ZNF667: variants seen among roughly 807,000 people sequenced by gnomAD.
The protein encoded by ZNF667 is myocardial ischemic preconditioning upregulated 1 ortholog.
ZNF667 carries 13 observed loss-of-function variants against 31.8 expected under a neutral mutation model. That is an observed-to-expected ratio of 0.41 (90% CI 0.27 to 0.65). The LOEUF is 0.65. Ranked by LOEUF, ZNF667 falls within the 30% of genes least tolerant of loss-of-function variation. The pLI, the probability that ZNF667 is intolerant of heterozygous loss-of-function variation, is 0.32. For synonymous variants in ZNF667, 228 were observed against 247.1 expected (o/e 0.92, Z 0.73); for missense variants, 642 against 725.6 (o/e 0.88, Z 1.32).
intron 6 of ZNF667, among the ~76,000 whole-genome samples, chr19:56,448,264 C>G (rs747304708): frequency 6.6e-5 from 10 of 152,026 alleles, no homozygotes; most frequent in Non-Finnish European, 1.3e-4. Flanking sequence ...AGAATTTGGC[C>G]AGCACCCCCA....
In ZNF667 at chr19:56,441,097, G is replaced by C. The variant is rs751606276; in HGVS notation, c.*65C>G. ...CCATATACACAAAATTTACATTATA[G>C]ACAAATACATATTTGCCATATGTTT... On this transcript the variant is annotated 3_prime_UTR_variant, in exon 7 of 7. Transcript: ENST00000504904. This position sits in a 1 kb window ranked among gnomAD's most constrained non-coding sequence, Gnocchi z 4.2. The C allele has an allele frequency of 7.4e-5, 113 of 1,527,830 alleles. No homozygotes were observed. Among genetic ancestry groups the C allele is most frequent in the Middle Eastern group, 1.8e-4 (1 of 5,628 alleles). The allele number at this position is 1,527,830 out of a possible 1,614,324, so 94.6% of individuals were successfully genotyped here.
At chr19:56,452,904 G>A (rs2042863182) in intron 6 of ZNF667, among the ~76,000 whole-genome samples, 2 of 148,716 alleles carry the variant, frequency 1.3e-5, no homozygotes, top group Non-Finnish European at 3.0e-5. Context: ...GGGTGACAGA[G>A]CAAGACTCTG....
At chr19:56,463,123 G>A (rs138894970) in intron 3 of ZNF667, among the ~76,000 whole-genome samples, 15 of 152,250 alleles carry the variant, frequency 9.9e-5, no homozygotes, top group Non-Finnish European at 1.5e-4. Context: ...CATGAAAGGG[G>A]TGCTGAGCAG....
Position 56,460,699 on chromosome 19 carries a change from C to A in ZNF667, c.150G>T (p.Leu50=), listed in dbSNP as rs59536407. The A allele has an allele frequency of 2.8e-3, 4,564 of 1,611,290 alleles. 128 individuals carry two copies. In the African/African-American group the frequency reaches 0.053, roughly 19 times the overall value. The change falls in exon 5 of 7, where the codon CTG becomes CTT. Residue 50 remains leucine, a synonymous_variant. Coordinates refer to ENST00000504904, the MANE Select transcript of ZNF667 (RefSeq NM_001321356.2). ...EDVMLENYRN[L]VSLGLSFRRP... ...GACGAAGAGCCTTACCAAGCGAGAC[C>A]AGGTTCCGGTAATTCTCCAACATGA...
At chr19:56,454,045 G>A (rs928163142) in intron 6 of ZNF667, among the ~76,000 whole-genome samples, 11 of 152,026 alleles carry the variant, frequency 7.2e-5, no homozygotes, top group African/African-American at 2.4e-4. Context: ...TATGCCAACA[G>A]TGAGCAATCT....
chr19:56,466,849 G>C, intron 3 of ZNF667: 1 of 373,144 alleles, frequency 2.7e-6, no homozygotes, highest in Non-Finnish European at 5.3e-6. Context: ...CCTACCTTTA[G>C]TGAGTGCATC....
In ZNF667 at chr19:56,458,237, A is replaced by G. The variant is rs2042973745; in HGVS notation, c.171T>C (p.Phe57=). The G allele has an allele frequency of 6.2e-7, 1 of 1,613,984 alleles. No homozygotes were observed. Among genetic ancestry groups the G allele is most frequent in the Non-Finnish European group, 8.5e-7 (1 of 1,179,922 alleles). Residue 57 remains phenylalanine, a synonymous_variant, in exon 6 of 7, where the codon TTT becomes TTC. Coordinates refer to ENST00000504904, the MANE Select transcript of ZNF667 (RefSeq NM_001321356.2). ...ATAAGGTGATCACATTTGGTCTCCG[A>G]AAGGAAAGACCTGTACGTGGGACAA... ...YRNLVSLGLS[F]RRPNVITLLE... is the part of the protein sequence containing the mutation.
At chr19:56,455,044 T>G (rs1049361524) in intron 6 of ZNF667, among the ~76,000 whole-genome samples, 1 of 152,074 alleles carries the variant, frequency 6.6e-6, no homozygotes, top group Non-Finnish European at 1.5e-5. Flanking sequence ...CTCAAAGACA[T>G]ACGTACACAT....
At chr19:56,473,923 C>A (rs2043346781) in intron 2 of ZNF667, 89 bp downstream of exon 2, 1 of 152,150 alleles carries the variant, frequency 6.6e-6, no homozygotes, top group South Asian at 2.1e-4. Context: ...TGGAAAAATC[C>A]AAAACCCGCT....
chr19:56,446,869 T>C (rs1330418950), intron 6 of ZNF667, among the ~76,000 whole-genome samples: 1 of 152,126 alleles, frequency 6.6e-6, no homozygotes, highest in Non-Finnish European at 1.5e-5. Context: ...TCTCACATTT[T>C]CCTAAAACTC....
chr19:56,450,286 C>CT (rs1163258682), intron 6 of ZNF667, among the ~76,000 whole-genome samples: 1 of 152,064 alleles, frequency 6.6e-6, no homozygotes, highest in East Asian at 1.9e-4. Context: ...CAGTGGAAAC[C>CT]TTATAGGCCA....
intron 6 of ZNF667, among the ~76,000 whole-genome samples, chr19:56,455,240 C>T (rs1022983478): frequency 6.6e-6 from 1 of 152,104 alleles, no homozygotes; most frequent in African/African-American, 2.4e-5. Context: ...TTAGTACAGC[C>T]ACTATTGACA....
At position 56,471,725 on chromosome 19, in the gene ZNF667, CCTTCCAATTA is replaced by C. The variant is rs2043296866; in HGVS notation, c.-96_-87del. On this transcript the variant is annotated 5_prime_UTR_variant, in exon 3 of 7. The change abolishes the stop of an existing upstream ORF in the 5' untranslated region. Transcript: ENST00000504904. ...AGATAAGCAGATCAGTTGGCTTTCC[CCTTCCAATTA>C]CTTAGGTAAAATGACTTGTTCCAGG... 1 of 152,116 alleles carries C rather than the reference CCTTCCAATTA, an allele frequency of 6.6e-6. No individual in the cohort carries two copies. 9.4% of individuals were successfully genotyped at this position (152,116 alleles called of 1,614,324 possible). A position where few individuals can be genotyped will look rare whatever the true frequency, so the allele number is the denominator to read the frequency against.
chr19:56,446,785 GA>G (rs2042718010), intron 6 of ZNF667, among the ~76,000 whole-genome samples: 2 of 152,140 alleles, frequency 1.3e-5, no homozygotes, highest in Non-Finnish European at 1.5e-5. Flanking sequence ...AGCAAAACAA[GA>G]AACCCAAGAT....
In ZNF667 at chr19:56,442,072, A is replaced by AT; in HGVS notation, c.922dup (p.Ile308AsnfsTer3). On this transcript the variant is annotated frameshift_variant, in exon 7 of 7. Coordinates refer to ENST00000504904, the MANE Select transcript of ZNF667 (RefSeq NM_001321356.2). LOFTEE classifies it high-confidence loss of function. ...ACTTAAGGCCTTCGCATTTTCAGGGATTTTCTCTCCAGCATGAATTCTTTT... is the reference window on the plus strand; with the variant it reads ...ACTTAAGGCCTTCGCATTTTCAGGGATTTTTCTCTCCAGCATGAATTCTTTT... The AT allele has an allele frequency of 6.2e-7, 1 of 1,613,962 alleles. No individual in the cohort carries two copies. Among genetic ancestry groups the AT allele is most frequent in the Non-Finnish European group, 8.5e-7 (1 of 1,179,992 alleles).
chr19:56,448,162 T>A (rs2042743835), intron 6 of ZNF667, among the ~76,000 whole-genome samples: 1 of 151,790 alleles, frequency 6.6e-6, no homozygotes, highest in Non-Finnish European at 1.5e-5. Flanking sequence ...CAAGAGAGAA[T>A]CTATGTGTTT....
chr19:56,458,311 C>T, intron 5 of ZNF667, 64 bp from the exon 6 acceptor site: 3 of 1,428,346 alleles, frequency 2.1e-6, no homozygotes, highest in Non-Finnish European at 3.0e-6. Context: ...CAGAGCCACG[C>T]TCTGCATCAA....
chr19:56,444,424 G>A, intron 6 of ZNF667: 1 of 392,280 alleles, frequency 2.5e-6, no homozygotes, highest in Non-Finnish European at 4.5e-6. Flanking sequence ...CCAAGGGAAT[G>A]GTGCTAAGCC....
At position 56,458,164 on chromosome 19, in the gene ZNF667, G is replaced by A. The variant is rs760386283; in HGVS notation, c.244C>T (p.Arg82Trp). 20 of 1,614,114 alleles carry A rather than the reference G, an allele frequency of 1.2e-5. No individual in the cohort carries two copies. In the Admixed American group the frequency reaches 1.3e-4, roughly 11 times the overall value. Residue 82 changes from arginine to tryptophan, a missense_variant, in exon 6 of 7, where the codon CGG becomes TGG. Transcript: ENST00000504904. The part of the protein sequence containing the change: ...PWMVEPVRRR[R>W]APDSGSKCET... ...GTTCTCTGTCACTCACCAGGAGCCC[G>A]GCGTCTTCTTACTGGCTCTACCATC...
Sources: gnomAD v4.1 joint callset for allele counts (sites outside exome capture counted in the v4.1 genomes callset) on GRCh38, gnomAD v4.1.1 for gene constraint, Gnocchi (gnomAD v3.1) non-coding constraint, MANE v1.5 for transcripts, NCBI Gene and HGNC (gene_info 2026-07-23, HGNC 2026-07-21) for gene names.